Variants in GBE1 observed in about 807,000 individuals in gnomAD.
The protein encoded by GBE1 is 1,4-alpha-glucan branching enzyme 1, also known as 1,4-alpha-glucan-branching enzyme.
A neutral mutation model predicts 88.8 loss-of-function variants in GBE1; 70 were observed. That is an observed-to-expected ratio of 0.79 (90% CI 0.65 to 0.96). The LOEUF is 0.96. Among genes scored for constraint, GBE1 ranks in the 40% least tolerant of loss-of-function variants. The probability of loss-of-function intolerance (pLI) is 0.00; values close to 1 mark genes in which losing one functional copy is unlikely to be tolerated. For synonymous variants in GBE1, 284 were observed against 300.1 expected (o/e 0.95, Z 0.56); for missense variants, 872 against 871.0 (o/e 1.00, Z -0.01).
At chr3:81,759,975 C>A (rs1706656332) in intron 1 of GBE1, among the ~76,000 whole-genome samples, 1 of 152,074 alleles carries the variant, frequency 6.6e-6, no homozygotes, top group African/African-American at 2.4e-5. Context: ...AAAAAAAAAT[C>A]TAACCACTAC....
At chr3:81,699,957 C>T (rs1705663166) in intron 2 of GBE1, among the ~76,000 whole-genome samples, 1 of 152,314 alleles carries the variant, frequency 6.6e-6, no homozygotes, top group South Asian at 2.1e-4. Flanking sequence ...AAGTGCAAAT[C>T]ACATATGTTA....
chr3:81,618,750 A>T (rs1576172264), intron 7 of GBE1, among the ~76,000 whole-genome samples: 1 of 152,262 alleles, frequency 6.6e-6, no homozygotes, highest in Non-Finnish European at 1.5e-5. Context: ...CTCTCATTTT[A>T]CACATGTAGA....
intron 1 of GBE1, among the ~76,000 whole-genome samples, chr3:81,760,253 C>T (rs979582710): frequency 6.6e-6 from 1 of 152,162 alleles, no homozygotes; most frequent in African/African-American, 2.4e-5. Context: ...CCTTACAATC[C>T]CTAGAGCAGT....
intron 12 of GBE1, among the ~76,000 whole-genome samples, chr3:81,541,366 T>C (rs1279231249): frequency 2.0e-5 from 3 of 151,822 alleles, no homozygotes; most frequent in African/African-American, 7.3e-5. Flanking sequence ...AATTACATTA[T>C]TATCATTTAT....
At chr3:81,710,024 A>G (rs886519214) in intron 1 of GBE1, among the ~76,000 whole-genome samples, 1 of 152,184 alleles carries the variant, frequency 6.6e-6, no homozygotes, top group African/African-American at 2.4e-5. Context: ...TGACGTCTAT[A>G]TCAATGTTTT....
At chr3:81,750,557 A>G (rs1262265011) in intron 1 of GBE1, among the ~76,000 whole-genome samples, 15 of 85,436 alleles carry the variant, frequency 1.8e-4, no homozygotes, top group Middle Eastern at 4.9e-3. Flanking sequence ...ATATGTATAT[A>G]TATATGTATA....
chr3:81,529,921 T>A (rs770345888), intron 14 of GBE1, among the ~76,000 whole-genome samples: 1 of 150,530 alleles, frequency 6.6e-6, no homozygotes, highest in Non-Finnish European at 1.5e-5. Context: ...TGAATCAGTC[T>A]CTCTCTCTCT....
chr3:81,560,626 T>C (rs1703403774), intron 12 of GBE1, among the ~76,000 whole-genome samples: 1 of 151,982 alleles, frequency 6.6e-6, no homozygotes, highest in Non-Finnish European at 1.5e-5. Context: ...TGGTCATCTC[T>C]GCGTATTTCA....
chr3:81,587,249 C>T lies in GBE1; in HGVS notation c.1237-1059G>A, dbSNP rs543558238. On this transcript the variant is annotated intron_variant, in intron 9 of 15. Coordinates refer to ENST00000429644, the MANE Select transcript of GBE1 (RefSeq NM_000158.4). ...TGGGTTTCAAAGATAGGTACAGGGA[C>T]CCAGATGTAACAAAAGATATTAAGA... is the stretch of plus-strand genomic sequence containing the variant. 9.9e-5 allele frequency among the ~76,000 whole-genome samples: 15 copies of T among 152,144 alleles called. No homozygotes were observed. The South Asian group carries it at 3.1e-3, about 32-fold the overall frequency.
chr3:81,497,360 A>G (rs1280188922), intron 15 of GBE1, among the ~76,000 whole-genome samples: 3 of 152,204 alleles, frequency 2.0e-5, no homozygotes. Context: ...TTGCCTCTCC[A>G]TGACAAGTAC....
At chr3:81,738,385 C>T (rs867053168) in intron 1 of GBE1, among the ~76,000 whole-genome samples, 14 of 151,678 alleles carry the variant, frequency 9.2e-5, no homozygotes, top group African/African-American at 2.7e-4. Context: ...TAAAAGTGTT[C>T]CTATTTCTCC....
chr3:81,700,440 G>GA (rs991040498), intron 2 of GBE1, among the ~76,000 whole-genome samples: 1 of 151,974 alleles, frequency 6.6e-6, no homozygotes, highest in East Asian at 1.9e-4. Context: ...AAAACTGAAA[G>GA]AAAAAATATT....
chr3:81,620,778 C>A (rs1179982534), intron 7 of GBE1, among the ~76,000 whole-genome samples: 1 of 151,830 alleles, frequency 6.6e-6, no homozygotes, highest in East Asian at 1.9e-4. Context: ...AGTGAGGTGG[C>A]GGGAAGAATG....
chr3:81,492,275 C>T (rs1231985931), intron 15 of GBE1, among the ~76,000 whole-genome samples: 1 of 152,218 alleles, frequency 6.6e-6, no homozygotes, highest in Non-Finnish European at 1.5e-5. Flanking sequence ...CAGAATTTCA[C>T]TGCTAATGCA....
intron 1 of GBE1, among the ~76,000 whole-genome samples, chr3:81,753,589 C>T (rs1260780320): frequency 1.3e-5 from 2 of 152,170 alleles, no homozygotes; most frequent in Non-Finnish European, 2.9e-5. Context: ...ACAACACACA[C>T]AGTCATTTCT....
At chr3:81,760,791 C>A (rs1451775728) in intron 1 of GBE1, among the ~76,000 whole-genome samples, 1 of 152,180 alleles carries the variant, frequency 6.6e-6, no homozygotes, top group African/African-American at 2.4e-5. Flanking sequence ...TTTAACTTCT[C>A]AATGTTGATC....
intron 12 of GBE1, among the ~76,000 whole-genome samples, chr3:81,561,545 A>C (rs1359068254): frequency 1.3e-5 from 2 of 152,036 alleles, no homozygotes; most frequent in African/African-American, 4.8e-5. Context: ...GCGGTATATA[A>C]AATTTACTGA....
chr3:81,533,759 T>C (rs1475436087), intron 14 of GBE1, among the ~76,000 whole-genome samples: 2 of 151,976 alleles, frequency 1.3e-5, no homozygotes, highest in African/African-American at 4.8e-5. Context: ...ATGAAAGAAA[T>C]TTTGCTAAAG....
chr3:81,517,186 C>G (rs1218686852), intron 14 of GBE1, among the ~76,000 whole-genome samples: 1 of 151,402 alleles, frequency 6.6e-6, no homozygotes, highest in Non-Finnish European at 1.5e-5. Context: ...TCTTAGCCAC[C>G]ACAACCTTTA....
Sources: allele counts gnomAD v4.1 joint callset (sites outside exome capture counted in the v4.1 genomes callset), GRCh38; gene constraint gnomAD v4.1.1; transcripts MANE v1.5; gene names NCBI Gene and HGNC (gene_info 2026-07-23, HGNC 2026-07-21).